The following ALDH18A1 variants were observed in gnomAD, a reference collection of about 807,000 sequenced individuals.
ALDH18A1 encodes aldehyde dehydrogenase 18 family member A1.
A neutral mutation model predicts 88.8 loss-of-function variants in ALDH18A1; 44 were observed. That is an observed-to-expected ratio of 0.50 (90% CI 0.39 to 0.64). ALDH18A1 has a LOEUF of 0.64. Among genes scored for constraint, ALDH18A1 ranks in the 30% least tolerant of loss-of-function variants. ALDH18A1 has a pLI of 0.00. For missense variants in ALDH18A1, 782 were observed against 1,009.5 expected (o/e 0.77, Z 3.05); for synonymous variants, 331 against 372.1 (o/e 0.89, Z 1.27).
At chr10:95,613,696 G>A (rs199608541) in intron 15 of ALDH18A1, 46 bp downstream of exon 15, 102 of 1,611,966 alleles carry the variant, frequency 6.3e-5, no homozygotes, top group Non-Finnish European at 8.6e-5. Context: ...TAATTCCACA[G>A]GCTTCTAAGA....
intron 1 of ALDH18A1, among the ~76,000 whole-genome samples, chr10:95,655,811 G>A (rs1376289590): frequency 6.6e-6 from 1 of 152,128 alleles, no homozygotes; most frequent in Non-Finnish European, 1.5e-5. Context: ...TTTGACTCAA[G>A]ACATTTCTCA....
rs184457864 is a variant in ALDH18A1 at position 95,606,720 on chromosome 10, G to A, written c.*42C>T. ...TCTCCTGAGATAAGACAAGTTTAAC[G>A]TGAAGACCTTTTGGAAAATTCCCGG... On this transcript the variant is annotated 3_prime_UTR_variant, in exon 18 of 18. Transcript: ENST00000371224. 76 of 1,613,904 alleles carry A rather than the reference G, an allele frequency of 4.7e-5. No individual in the cohort carries two copies. In the East Asian group the frequency reaches 9.8e-4, roughly 21 times the overall value.
At chr10:95,613,337 G>A (rs976070055) in intron 15 of ALDH18A1, among the ~76,000 whole-genome samples, 1 of 151,842 alleles carries the variant, frequency 6.6e-6, no homozygotes, top group East Asian at 1.9e-4. Context: ...AAAGACACTG[G>A]GGGGAGGCAG....
At chr10:95,652,190 C>A (rs1363642228) in intron 2 of ALDH18A1, among the ~76,000 whole-genome samples, 1 of 152,000 alleles carries the variant, frequency 6.6e-6, no homozygotes, top group Non-Finnish European at 1.5e-5. Context: ...AAATGTAGAC[C>A]AGATTAATGT....
chr10:95,616,431 G>A (rs1236127500), intron 13 of ALDH18A1, 46 bp downstream of exon 13: 4 of 1,551,908 alleles, frequency 2.6e-6, no homozygotes, highest in East Asian at 4.9e-5. Flanking sequence ...CCAAACACCT[G>A]ATCTGGCCCC....
At chr10:95,617,191 C>G (rs1159446573) in intron 12 of ALDH18A1, among the ~76,000 whole-genome samples, 1 of 152,186 alleles carries the variant, frequency 6.6e-6, no homozygotes, top group Middle Eastern at 3.2e-3. Flanking sequence ...AGGCTGCAGT[C>G]AGCCGAGATT....
intron 3 of ALDH18A1, among the ~76,000 whole-genome samples, chr10:95,637,789 C>A (rs925609894): frequency 6.6e-6 from 1 of 152,050 alleles, no homozygotes; most frequent in Admixed American, 6.6e-5. Context: ...GGCAACATGG[C>A]AAGACCCAAT....
intron 7 of ALDH18A1, chr10:95,628,806 A>G: frequency 5.3e-6 from 2 of 378,940 alleles, no homozygotes; most frequent in Non-Finnish European, 1.0e-5. Flanking sequence ...TAATTCTGCC[A>G]TTGCTACTTA....
intron 13 of ALDH18A1, among the ~76,000 whole-genome samples, chr10:95,614,594 C>T (rs1589486784): frequency 6.6e-6 from 1 of 152,166 alleles, no homozygotes; most frequent in Non-Finnish European, 1.5e-5. Flanking sequence ...GTTTTCTATT[C>T]ACAGCATTGA....
intron 11 of ALDH18A1, among the ~76,000 whole-genome samples, chr10:95,623,883 T>G (rs372462653): frequency 7.9e-5 from 12 of 151,094 alleles, no homozygotes; most frequent in African/African-American, 1.7e-4. Context: ...TGTATTTTTA[T>G]AGAGACAAGG....
chr10:95,647,720 G>C (rs1016014603), intron 2 of ALDH18A1, among the ~76,000 whole-genome samples: 14 of 152,242 alleles, frequency 9.2e-5, no homozygotes, highest in Non-Finnish European at 1.9e-4. Context: ...GACAGGCCTT[G>C]CTGGGTTACC....
At chr10:95,607,507 C>T (rs1330101058) in intron 17 of ALDH18A1, among the ~76,000 whole-genome samples, 2 of 151,370 alleles carry the variant, frequency 1.3e-5, no homozygotes, top group East Asian at 1.9e-4. Flanking sequence ...TGGTGTTCTG[C>T]ACTGTATACA....
intron 2 of ALDH18A1, among the ~76,000 whole-genome samples, chr10:95,644,914 A>T (rs1310641341): frequency 2.0e-5 from 3 of 152,254 alleles, no homozygotes; most frequent in Non-Finnish European, 4.4e-5. Flanking sequence ...TGGATTTCAC[A>T]GTGCTATTCT....
chr10:95,636,461 T>A (rs752652363), intron 5 of ALDH18A1, among the ~76,000 whole-genome samples: 1 of 152,154 alleles, frequency 6.6e-6, no homozygotes, highest in Non-Finnish European at 1.5e-5. Context: ...TGAAACAATG[T>A]AGAAAGAAGG....
chr10:95,650,118 G>T (rs1049185825), intron 2 of ALDH18A1, among the ~76,000 whole-genome samples: 1 of 151,720 alleles, frequency 6.6e-6, no homozygotes, highest in Non-Finnish European at 1.5e-5. Context: ...TAAAACTATC[G>T]AACTTTCGGG....
chr10:95,649,743 T>C (rs1266167548), intron 2 of ALDH18A1, among the ~76,000 whole-genome samples: 1 of 152,010 alleles, frequency 6.6e-6, no homozygotes, highest in Non-Finnish European at 1.5e-5. Context: ...TAGCTGGATA[T>C]GGTGGTGCAC....
Position 95,646,838 on chromosome 10 carries a change from C to G in ALDH18A1, c.89-3632G>C, listed in dbSNP as rs181659141. Among the ~76,000 whole-genome samples the G allele has an allele frequency of 4.5e-3, 685 of 152,160 alleles. 2 individuals are homozygous for G. The highest frequency in any genetic ancestry group is 0.02 in the Middle Eastern group (6 of 294). ...CATGGTGGGGGATGGGAGGGGTTGT[C>G]CATGTTCTTCTTAAGGGCCACGGAT... On this transcript the variant is annotated intron_variant, in intron 2 of 17. Coordinates refer to ENST00000371224, the MANE Select transcript of ALDH18A1 (RefSeq NM_002860.4).
At chr10:95,617,897 CA>C (rs2097846576) in intron 12 of ALDH18A1, among the ~76,000 whole-genome samples, 1 of 152,064 alleles carries the variant, frequency 6.6e-6, no homozygotes, top group Non-Finnish European at 1.5e-5. Flanking sequence ...GGCATTTCTG[CA>C]AGACAGGTAT....
chr10:95,613,608 G>A lies in ALDH18A1; in HGVS notation c.1923+134C>T, dbSNP rs1227463755. On this transcript the variant is annotated intron_variant, in intron 15 of 17. Transcript: ENST00000371224. ...TTGTGTTTTACTCACACTTTACTTA[G>A]CATGGAACTTTGTACACAGAAGATA... 20 of 1,195,536 alleles carry A rather than the reference G, an allele frequency of 1.7e-5. 1 individual carries two copies. In the Admixed American group the frequency reaches 3.6e-4, roughly 22 times the overall value. The allele number at this position is 1,195,536 out of a possible 1,614,324, so 74.1% of individuals were successfully genotyped here. A position where few individuals can be genotyped will look rare whatever the true frequency, so the allele number is the denominator to read the frequency against.
Sources: gnomAD v4.1 joint callset for allele counts (sites outside exome capture counted in the v4.1 genomes callset) on GRCh38, gnomAD v4.1.1 for gene constraint, MANE v1.5 for transcripts, NCBI Gene and HGNC (gene_info 2026-07-23, HGNC 2026-07-21) for gene names.